The following SDHB variants were observed in gnomAD, a reference collection of about 807,000 sequenced individuals.
The protein encoded by SDHB is succinate dehydrogenase complex iron sulfur subunit B, also known as succinate dehydrogenase [ubiquinone] iron-sulfur subunit, mitochondrial.
A neutral mutation model predicts 39.7 loss-of-function variants in SDHB; 21 were observed. That is an observed-to-expected ratio of 0.53 (90% confidence interval 0.37 to 0.76). The LOEUF (loss-of-function observed/expected upper bound fraction) is 0.76. SDHB is among the 30% of genes least tolerant of loss of function. SDHB has a pLI of 0.00. For missense variants in SDHB, 343 were observed against 350.9 expected (o/e 0.98, Z 0.18); for synonymous variants, 118 against 117.0 (o/e 1.01, Z -0.06).
intron 2 of SDHB, among the ~76,000 whole-genome samples, chr1:17,041,438 G>A (rs1029678615): frequency 6.6e-6 from 1 of 152,136 alleles, no homozygotes; most frequent in African/African-American, 2.4e-5. Context: ...GGGAGGCTGA[G>A]GTGGGTGGAT....
intron 3 of SDHB, among the ~76,000 whole-genome samples, chr1:17,031,444 T>A (rs2078022352): frequency 1.3e-5 from 2 of 152,000 alleles, no homozygotes; most frequent in Admixed American, 6.6e-5. Context: ...TCCAGATGGG[T>A]CACACCTTAT....
At chr1:17,030,991 G>A (rs1220956931) in intron 3 of SDHB, among the ~76,000 whole-genome samples, 3 of 141,630 alleles carry the variant, frequency 2.1e-5, no homozygotes, top group Non-Finnish European at 4.6e-5. Flanking sequence ...GGGAGTCTAT[G>A]TTTCCCAGGC....
chr1:17,035,280 C>G (rs112729043), intron 2 of SDHB, among the ~76,000 whole-genome samples: 3 of 152,172 alleles, frequency 2.0e-5, no homozygotes, highest in Middle Eastern at 3.4e-3. Context: ...CTGATAAATA[C>G]TTTACATTTT....
intron 1 of SDHB, among the ~76,000 whole-genome samples, chr1:17,047,823 C>T (rs1007100620): frequency 6.6e-6 from 1 of 152,128 alleles, no homozygotes; most frequent in African/African-American, 2.4e-5. Flanking sequence ...TACAGGCATG[C>T]GCCACCATGC....
At chr1:17,032,076 T>C (rs1302603573) in intron 3 of SDHB, among the ~76,000 whole-genome samples, 2 of 152,242 alleles carry the variant, frequency 1.3e-5, no homozygotes, top group Non-Finnish European at 2.9e-5. Context: ...ATTTTTGCTA[T>C]ACCTGAGAAC....
intron 2 of SDHB, among the ~76,000 whole-genome samples, chr1:17,042,728 T>C (rs1314373643): frequency 6.6e-6 from 1 of 151,878 alleles, no homozygotes; most frequent in Non-Finnish European, 1.5e-5. Context: ...CAGTGAACCG[T>C]GAGCATGCCA....
chr1:17,048,074 G>C (rs182431421), intron 1 of SDHB, among the ~76,000 whole-genome samples: 1 of 152,164 alleles, frequency 6.6e-6, no homozygotes, highest in East Asian at 1.9e-4. Flanking sequence ...TCAAGATAGG[G>C]GACATTCCCA....
chr1:17,037,514 T>G (rs2078056472), intron 2 of SDHB, among the ~76,000 whole-genome samples: 2 of 151,432 alleles, frequency 1.3e-5, no homozygotes, highest in African/African-American at 4.9e-5. Flanking sequence ...TGGAGTGCAG[T>G]GGCGTGATCT....
intron 3 of SDHB, chr1:17,032,859 G>C: frequency 1.6e-6 from 1 of 635,436 alleles, no homozygotes; most frequent in South Asian, 1.8e-5. Flanking sequence ...GCTCCTGAAG[G>C]AAAGTAAACT....
chr1:17,036,136 C>A (rs1557743765), intron 2 of SDHB, among the ~76,000 whole-genome samples: 1 of 152,062 alleles, frequency 6.6e-6, no homozygotes, highest in Non-Finnish European at 1.5e-5. Flanking sequence ...GCAGAAAAGG[C>A]AGGTGGGATT....
At chr1:17,031,730 C>CA (rs1553177974) in intron 3 of SDHB, among the ~76,000 whole-genome samples, 1 of 151,238 alleles carries the variant, frequency 6.6e-6, no homozygotes, top group Non-Finnish European at 1.5e-5. Flanking sequence ...CTGGCTTTTC[C>CA]TTTTTTTTTA....
chr1:17,040,539 C>T (rs2078074197), intron 2 of SDHB, among the ~76,000 whole-genome samples: 3 of 152,184 alleles, frequency 2.0e-5, no homozygotes, highest in Admixed American at 2.0e-4. Flanking sequence ...ATAGCAGCCT[C>T]AAGTTCCTAA....
intron 2 of SDHB, among the ~76,000 whole-genome samples, chr1:17,035,836 G>C (rs2078047836): frequency 6.6e-6 from 1 of 151,724 alleles, no homozygotes; most frequent in African/African-American, 2.4e-5. Flanking sequence ...CTCCAGCCTG[G>C]GAGACAGAGC....
At chr1:17,038,511 AGTTT>A (rs1161106596) in intron 2 of SDHB, among the ~76,000 whole-genome samples, 1 of 152,232 alleles carries the variant, frequency 6.6e-6, no homozygotes, top group Non-Finnish European at 1.5e-5. Context: ...GACTACAGTT[AGTTT>A]AATTTCTTCC....
intron 5 of SDHB, 127 bp from the exon 6 acceptor site, chr1:17,024,201 AG>A (rs2077979911): frequency 1.4e-6 from 1 of 716,042 alleles, no homozygotes; most frequent in Non-Finnish European, 2.5e-6. Flanking sequence ...GAATTTTCTT[AG>A]CAAAATCCAA....
chr1:17,042,094 A>G (rs1023807401), intron 2 of SDHB, among the ~76,000 whole-genome samples: 4 of 151,750 alleles, frequency 2.6e-5, no homozygotes, highest in African/African-American at 9.7e-5. Context: ...GCTAATTTTT[A>G]TATTTTTAGT....
At chr1:17,021,619 C>A (rs1570944080) in intron 7 of SDHB, among the ~76,000 whole-genome samples, 1 of 152,098 alleles carries the variant, frequency 6.6e-6, no homozygotes, top group East Asian at 1.9e-4. Context: ...GTGGTGCCTG[C>A]CTGTAATCCC....
chr1:17,046,276 T>C (rs1344746637), intron 1 of SDHB, among the ~76,000 whole-genome samples: 1 of 152,218 alleles, frequency 6.6e-6, no homozygotes, highest in African/African-American at 2.4e-5. Flanking sequence ...TAATGCCACC[T>C]TGTGGTATTT....
chr1:17,051,842 AT>A (rs376165201), intron 1 of SDHB, among the ~76,000 whole-genome samples: 3,627 of 142,254 alleles, frequency 0.025, 45 homozygotes, highest in Non-Finnish European at 0.036. Context: ...CATTTTTTAA[AT>A]TTTTTTTTTT....
Sources: allele counts gnomAD v4.1 joint callset (sites outside exome capture counted in the v4.1 genomes callset), GRCh38; gene constraint gnomAD v4.1.1; transcripts MANE v1.5; gene names NCBI Gene and HGNC (gene_info 2026-07-23, HGNC 2026-07-21).